NADSYN1: variants seen among roughly 807,000 people sequenced by gnomAD.
NADSYN1 encodes the protein NAD synthetase 1, also known as glutamine-dependent NAD(+) synthetase.
Under a neutral mutation model 99.3 loss-of-function variants are expected in NADSYN1, and 80 were observed. The observed-to-expected ratio is 0.81, with a 90% CI of 0.67 to 0.97. NADSYN1 has a LOEUF of 0.97. NADSYN1 is among the 50% of genes least tolerant of loss of function. The pLI, the probability that NADSYN1 is intolerant of heterozygous loss-of-function variation, is 0.00. For missense variants in NADSYN1, 859 were observed against 948.5 expected, an observed-to-expected ratio of 0.91 and a Z score of 1.24; for synonymous variants, 385 against 372.1, an observed-to-expected ratio of 1.03 and a Z score of -0.40.
At chr11:71,492,218 G>A (rs1391637087) in intron 18 of NADSYN1, among the ~76,000 whole-genome samples, 1 of 152,202 alleles carries the variant, frequency 6.6e-6, no homozygotes, top group Admixed American at 6.5e-5. Flanking sequence ...CGATGTAGGA[G>A]GAGAATTGCC....
chr11:71,482,748 T>C (rs1949717628), intron 13 of NADSYN1, 101 bp from the exon 14 acceptor site: 1 of 1,385,772 alleles, frequency 7.2e-7, no homozygotes, highest in Non-Finnish European at 9.8e-7. Context: ...TAGACCGGGG[T>C]GGAGCCGCAT....
At chr11:71,481,100 C>T in intron 11 of NADSYN1, 2 of 671,830 alleles carry the variant, frequency 3.0e-6, no homozygotes, top group South Asian at 3.8e-5. Context: ...GACCTTGGGC[C>T]CCAAGGTGCT....
intron 11 of NADSYN1, 30 bp from the exon 12 acceptor site, chr11:71,481,326 T>C: frequency 6.2e-7 from 1 of 1,612,906 alleles, no homozygotes; most frequent in Non-Finnish European, 8.5e-7. Flanking sequence ...GGCCACCGCC[T>C]CCGGGCTCCA....
chr11:71,464,825 G>T (rs528186939), intron 5 of NADSYN1, among the ~76,000 whole-genome samples: 3 of 135,782 alleles, frequency 2.2e-5, no homozygotes, highest in African/African-American at 8.5e-5. Flanking sequence ...CCGAGATTGC[G>T]CCACTGCACT....
rs200903617 is a variant in NADSYN1, at chr11:71,498,424, G to A, written c.1966G>A (p.Ala656Thr). ...ACACAAGATGACCACGCTCACACCC[G>A]CGTACCACGCCGAGAACTACAGCCC... is the stretch of plus-strand genomic sequence containing the variant. ...NRHKMTTLTP[A>T]YHAENYSPED... Residue 656 changes from alanine (A) to threonine (T), a missense_variant, in exon 20 of 21, where the codon GCG becomes ACG. Ala to Thr is a moderately conservative substitution (Grantham distance 58). Coordinates refer to ENST00000319023, the MANE Select transcript of NADSYN1 (RefSeq NM_018161.5). 1.2e-4 allele frequency: 201 copies of A among 1,613,996 alleles called. No homozygotes were observed. Among genetic ancestry groups the A allele is most frequent in the South Asian group, 2.1e-4 (19 of 91,084 alleles).
At chr11:71,469,927 GAAA>G (rs749801544) in intron 5 of NADSYN1, among the ~76,000 whole-genome samples, 5 of 109,168 alleles carry the variant, frequency 4.6e-5, no homozygotes, top group Admixed American at 2.1e-4. Context: ...GCCTGTCTCA[GAAA>G]AAAAAAAAAA....
intron 10 of NADSYN1, chr11:71,479,385 C>A (rs773448247): frequency 6.6e-6 from 1 of 151,972 alleles, no homozygotes; most frequent in African/African-American, 2.4e-5. Context: ...CGTGAACTAC[C>A]GTGCCCAGCC....
chr11:71,465,597 AGCTGGTC>A, intron 5 of NADSYN1, among the ~76,000 whole-genome samples: 1 of 152,234 alleles, frequency 6.6e-6, no homozygotes. Flanking sequence ...TTACTGGCAT[AGCTGGTC>A]TCCCCACAGA....
At chr11:71,475,940 C>G (rs528513369) in intron 9 of NADSYN1, 1 of 445,508 alleles carries the variant, frequency 2.2e-6, no homozygotes, top group African/African-American at 2.0e-5. Flanking sequence ...TCGCAAACTC[C>G]TGAGCTCAGG....
intron 9 of NADSYN1, chr11:71,477,537 C>A: frequency 1.0e-6 from 1 of 953,600 alleles, no homozygotes; most frequent in Non-Finnish European, 1.4e-6. Flanking sequence ...TTCCCGCTGT[C>A]CCACACTCGT....
intron 18 of NADSYN1, among the ~76,000 whole-genome samples, chr11:71,492,630 G>T (rs2120512132): frequency 6.6e-6 from 1 of 152,142 alleles, no homozygotes. Context: ...TTTTCCTTAT[G>T]CCGGTCCCAC....
At chr11:71,481,127 G>GTTCA (rs2120471736) in intron 11 of NADSYN1, 1 of 644,890 alleles carries the variant, frequency 1.6e-6, no homozygotes, top group South Asian at 1.9e-5. Flanking sequence ...CCATTCTGTG[G>GTTCA]TTCAGTGTCC....
At chr11:71,481,083 G>A (rs1026226710) in intron 11 of NADSYN1, 26 of 721,204 alleles carry the variant, frequency 3.6e-5, no homozygotes, top group Non-Finnish European at 4.7e-5. Flanking sequence ...CTGCTTCCCC[G>A]TGCTGTGACC....
At chr11:71,468,600 A>AG (rs1159822119) in intron 5 of NADSYN1, among the ~76,000 whole-genome samples, 2 of 152,262 alleles carry the variant, frequency 1.3e-5, no homozygotes, top group East Asian at 3.8e-4. Flanking sequence ...GAGTTCTTTA[A>AG]AAGTCCAGTA....
intron 18 of NADSYN1, among the ~76,000 whole-genome samples, chr11:71,494,259 G>A (rs547741226): frequency 1.4e-4 from 21 of 152,174 alleles, no homozygotes; most frequent in African/African-American, 4.1e-4. Context: ...CCTTTCTACT[G>A]TATTTTTATC....
chr11:71,463,617 T>C, intron 4 of NADSYN1, 132 bp downstream of exon 4: 1 of 799,292 alleles, frequency 1.3e-6, no homozygotes, highest in Non-Finnish European at 2.0e-6. Flanking sequence ...TGCCCGGGCT[T>C]AGTGAGGGCC....
chr11:71,456,364 G>A (rs1263445168), intron 2 of NADSYN1, among the ~76,000 whole-genome samples: 1 of 152,204 alleles, frequency 6.6e-6, no homozygotes, highest in African/African-American at 2.4e-5. Flanking sequence ...AAGTGCCAAG[G>A]GATCTAGGGT....
At chr11:71,476,727 C>G in intron 9 of NADSYN1, 1 of 985,946 alleles carries the variant, frequency 1.0e-6, no homozygotes, top group South Asian at 4.7e-5. Context: ...CCGTTCACGT[C>G]AGAGCCACAG....
intron 1 of NADSYN1, 94 bp from the exon 2 acceptor site, chr11:71,455,016 T>G: frequency 1.1e-6 from 1 of 949,788 alleles, no homozygotes; most frequent in Non-Finnish European, 1.6e-6. Context: ...TTGTTTTTTT[T>G]TTTATCCTAC....
Sources: gnomAD v4.1 joint callset for allele counts (sites outside exome capture counted in the v4.1 genomes callset) on GRCh38, gnomAD v4.1.1 for gene constraint, MANE v1.5 for transcripts, NCBI Gene and HGNC (gene_info 2026-07-23, HGNC 2026-07-21) for gene names.